SOX13: variants seen among roughly 807,000 people sequenced by gnomAD.
SOX13 encodes the protein transcription factor SOX-13.
In SOX13, 28 loss-of-function variants were observed where a neutral mutation model predicts 71.8. That is an observed-to-expected ratio of 0.39 (90% CI 0.29 to 0.53). The LOEUF (loss-of-function observed/expected upper bound fraction) is 0.53, where lower values mean the gene tolerates loss of function less well. Among genes scored for constraint, SOX13 ranks in the 20% least tolerant of loss-of-function variants. The probability of loss-of-function intolerance (pLI) is 0.70; values close to 1 mark genes in which losing one functional copy is unlikely to be tolerated. For synonymous variants in SOX13, 309 were observed against 317.8 expected (o/e 0.97, Z 0.29); for missense variants, 627 against 810.3 (o/e 0.77, Z 2.75).
intron 7 of SOX13, among the ~76,000 whole-genome samples, chr1:204,121,013 T>C (rs1656791705): frequency 6.7e-6 from 1 of 150,024 alleles, no homozygotes; most frequent in Non-Finnish European, 1.5e-5. Flanking sequence ...AGAGTCTCGC[T>C]CTGTCCCCCA....
Position 204,113,005 on chromosome 1 carries a change from A to G in SOX13, c.90A>G (p.Lys30=), listed in dbSNP as rs748228497. 1.2e-6 allele frequency: 2 copies of G among 1,613,406 alleles called. No homozygotes were observed. Among genetic ancestry groups the G allele is most frequent in the African/African-American group, 2.7e-5 (2 of 75,062 alleles). The part of the protein sequence containing the change: ...VNCTIKSEEK[K]EPCHEAPQGS... Reference sequence around the variant, plus strand: ...GCACCATCAAGTCAGAGGAGAAGAAAGAGCCTTGCCACGAGGCCCCCCAGG... The same window carrying G: ...GCACCATCAAGTCAGAGGAGAAGAAGGAGCCTTGCCACGAGGCCCCCCAGG... The change falls in exon 2 of 14, where the codon AAA becomes AAG. Residue 30 remains lysine (K), a synonymous_variant. Coordinates refer to ENST00000367204, the MANE Select transcript of SOX13 (RefSeq NM_005686.3).
intron 13 of SOX13, among the ~76,000 whole-genome samples, chr1:204,125,300 C>A (rs1227641188): frequency 6.6e-6 from 1 of 152,208 alleles, no homozygotes; most frequent in Non-Finnish European, 1.5e-5. Context: ...TATAGTGACA[C>A]ACGCCTGTAA....
intron 1 of SOX13, among the ~76,000 whole-genome samples, chr1:204,082,676 T>C (rs1655933639): frequency 6.6e-6 from 1 of 152,116 alleles, no homozygotes; most frequent in Non-Finnish European, 1.5e-5. Flanking sequence ...TAACTGGGGC[T>C]TGTGGGGCAG....
chr1:204,104,794 T>C (rs1027567816), intron 1 of SOX13, among the ~76,000 whole-genome samples: 1 of 152,190 alleles, frequency 6.6e-6, no homozygotes, highest in African/African-American at 2.4e-5. Context: ...CCCGTCATGC[T>C]ACGATGACTG....
At chr1:204,074,324 T>TCCCACC (rs1655739041) in intron 1 of SOX13, 2 of 150,614 alleles carry the variant, frequency 1.3e-5, no homozygotes, top group African/African-American at 2.4e-5. Flanking sequence ...GCTGCTCCTG[T>TCCCACC]CCCACCCCCA....
intron 7 of SOX13, chr1:204,118,646 T>C (rs1474379785): frequency 6.6e-6 from 1 of 152,186 alleles, no homozygotes; most frequent in Non-Finnish European, 1.5e-5. Flanking sequence ...TGAGCCAACA[T>C]CTCCCAAATT....
chr1:204,116,730 C>T (rs998367847), intron 5 of SOX13, 51 bp downstream of exon 5: 1 of 1,601,610 alleles, frequency 6.2e-7, no homozygotes, highest in Admixed American at 1.7e-5. Context: ...AGGAGTGTGT[C>T]AGGACCTAGA....
intron 1 of SOX13, among the ~76,000 whole-genome samples, chr1:204,090,293 CTAT>C (rs1656114818): frequency 6.6e-6 from 1 of 151,992 alleles, no homozygotes; most frequent in African/African-American, 2.4e-5. Flanking sequence ...GAGGTTTGAA[CTAT>C]TATTATCCTC....
chr1:204,116,785 T>G lies in SOX13; in HGVS notation c.591+106T>G, dbSNP rs1656703254. 2.0e-6 allele frequency: 3 copies of G among 1,533,780 alleles called. No homozygotes were observed. The South Asian group carries it at 3.9e-5, about 20-fold the overall frequency. On this transcript the variant is annotated intron_variant, in intron 5 of 13. Coordinates refer to ENST00000367204, the MANE Select transcript of SOX13 (RefSeq NM_005686.3). ...GGCCTCACCAGTGCAAGCTGGGGCCTGGGGGCAGGCTGGGCAGGGTCTGTG... is the reference window on the plus strand; with the variant it reads ...GGCCTCACCAGTGCAAGCTGGGGCCGGGGGGCAGGCTGGGCAGGGTCTGTG...
At chr1:204,104,432 A>C (rs1281504732) in intron 1 of SOX13, among the ~76,000 whole-genome samples, 1 of 152,236 alleles carries the variant, frequency 6.6e-6, no homozygotes, top group African/African-American at 2.4e-5. Context: ...GGGTGTAGCC[A>C]GGAAGGGTGG....
intron 1 of SOX13, among the ~76,000 whole-genome samples, chr1:204,103,766 C>A (rs1656404934): frequency 6.6e-6 from 1 of 152,216 alleles, no homozygotes; most frequent in African/African-American, 2.4e-5. Flanking sequence ...TGAGGCCTAC[C>A]CCTGCCTTCT....
At chr1:204,076,456 G>A (rs558123642) in intron 1 of SOX13, among the ~76,000 whole-genome samples, 1 of 152,164 alleles carries the variant, frequency 6.6e-6, no homozygotes, top group African/African-American at 2.4e-5. Flanking sequence ...CAGCTGCTTG[G>A]GTAGACTGGA....
intron 1 of SOX13, among the ~76,000 whole-genome samples, chr1:204,079,112 G>C (rs372253128): frequency 7.2e-5 from 11 of 151,946 alleles, no homozygotes; most frequent in South Asian, 4.2e-4. Context: ...TCCTGGCTAA[G>C]ACGGTGAAAC....
intron 1 of SOX13, among the ~76,000 whole-genome samples, chr1:204,091,861 C>A (rs549386706): frequency 6.6e-6 from 1 of 152,102 alleles, no homozygotes; most frequent in African/African-American, 2.4e-5. Context: ...GGATCATAGG[C>A]GTGAGCCACT....
intron 1 of SOX13, among the ~76,000 whole-genome samples, chr1:204,103,091 T>G (rs558352956): frequency 6.6e-6 from 1 of 152,368 alleles, no homozygotes; most frequent in African/African-American, 2.4e-5. Flanking sequence ...TCCCTGAACA[T>G]ATATTCTGTA....
In SOX13 at chr1:204,126,490, T is replaced by G; in HGVS notation, c.*356T>G. 1 of 283,660 alleles carries G rather than the reference T, an allele frequency of 3.5e-6. No homozygotes were observed. Among genetic ancestry groups the G allele is most frequent in the Non-Finnish European group, 6.8e-6 (1 of 148,038 alleles). The allele number at this position is 283,660 out of a possible 1,614,324, so 17.6% of individuals were successfully genotyped here. On this transcript the variant is annotated 3_prime_UTR_variant, in exon 14 of 14. Transcript: ENST00000367204. ...GTCTCCCTGGGGTCACATGCTTTGT[T>G]TCCATTCTTGTCCTGGCTGGACCAG...
chr1:204,102,732 T>C (rs543801863), intron 1 of SOX13, among the ~76,000 whole-genome samples: 1 of 151,848 alleles, frequency 6.6e-6, no homozygotes, highest in South Asian at 2.1e-4. Context: ...AAACATTTTT[T>C]TGATTTTCAC....
chr1:204,125,230 A>C (rs1444616988), intron 13 of SOX13, among the ~76,000 whole-genome samples: 1 of 152,202 alleles, frequency 6.6e-6, no homozygotes, highest in Non-Finnish European at 1.5e-5. Context: ...CAAGCACCCT[A>C]GTCTATTCCT....
intron 1 of SOX13, among the ~76,000 whole-genome samples, chr1:204,111,882 C>A (rs1246705203): frequency 6.6e-6 from 1 of 152,100 alleles, no homozygotes; most frequent in African/African-American, 2.4e-5. Context: ...AGCAAGAAAT[C>A]ATTTACTTTT....
Sources: allele counts gnomAD v4.1 joint callset (sites outside exome capture counted in the v4.1 genomes callset), GRCh38; gene constraint gnomAD v4.1.1; transcripts MANE v1.5; gene names NCBI Gene and HGNC (gene_info 2026-07-23, HGNC 2026-07-21).